CD300C: variants seen among roughly 807,000 people sequenced by gnomAD.
CD300C encodes the protein CD300c molecule, also known as CMRF35-like molecule 6.
Under a neutral mutation model 18.4 loss-of-function variants are expected in CD300C, and 11 were observed. That is an observed-to-expected ratio of 0.60 (90% confidence interval 0.38 to 0.99). The LOEUF is 0.99. Ranked by LOEUF, CD300C falls within the 50% of genes least tolerant of loss-of-function variation. CD300C has a pLI of 0.01. For missense variants in CD300C, 277 were observed against 287.4 expected (o/e 0.96, Z 0.26); for synonymous variants, 116 against 116.3 (o/e 1.00, Z 0.02).
chr17:74,540,414 C>T (rs1035987063), downstream of CD300C, among the ~76,000 whole-genome samples: 1 of 152,062 alleles, frequency 6.6e-6, no homozygotes, highest in African/African-American at 2.4e-5. Flanking sequence ...CATTTCTATC[C>T]CCCACCTGGA....
intron 2 of CD300C, among the ~76,000 whole-genome samples, chr17:74,543,535 CG>C (rs1355417989): frequency 6.6e-6 from 1 of 152,170 alleles, no homozygotes. Flanking sequence ...AGGGGATGCC[CG>C]GTGAAGCCTG....
downstream of CD300C, among the ~76,000 whole-genome samples, chr17:74,540,890 C>T (rs1378610004): frequency 6.6e-6 from 1 of 152,174 alleles, no homozygotes; most frequent in African/African-American, 2.4e-5. Flanking sequence ...TCTACCAGCT[C>T]TCCCAGAGGG....
At chr17:74,541,780 A>G in intron 3 of CD300C, 44 bp from the exon 4 acceptor site, 1 of 1,580,792 alleles carries the variant, frequency 6.3e-7, no homozygotes, top group Non-Finnish European at 8.6e-7. Context: ...TCCCCAGGGG[A>G]GGCCCAGGTG....
chr17:74,541,774 C>G, intron 3 of CD300C, 38 bp from the exon 4 acceptor site: 1 of 1,588,454 alleles, frequency 6.3e-7, no homozygotes. Context: ...GTCACCTCCC[C>G]AGGGGAGGCC....
At position 74,541,750 on chromosome 17, in the gene CD300C, G is replaced by T; in HGVS notation, c.528-14C>A. 1 of 1,607,602 alleles carries T rather than the reference G, an allele frequency of 6.2e-7. No individual in the cohort carries two copies. Among genetic ancestry groups the T allele is most frequent in the South Asian group, 1.1e-5 (1 of 90,444 alleles). ...CTGAACAGGGAGCTGTGGGGACACG[G>T]TGACAGGCAGTGAGTCACCTCCCCA... On this transcript the variant is annotated splice_polypyrimidine_tract_variant and intron_variant, in intron 3 of 3. Transcript: ENST00000330793.
At position 74,542,905 on chromosome 17, in the gene CD300C, G is replaced by T; in HGVS notation, c.483C>A (p.Pro161=). 6.2e-7 allele frequency: 1 copy of T among 1,611,740 alleles called. No homozygotes were observed. The highest frequency in any genetic ancestry group is 8.5e-7 in the Non-Finnish European group (1 of 1,180,000). The change falls in exon 3 of 4, where the codon CCC becomes CCA. Residue 161 remains proline, a synonymous_variant. Coordinates refer to ENST00000330793, the MANE Select transcript of CD300C (RefSeq NM_006678.5). ...CGGGGCTGTCCTTTCTGGTCACGCT[G>T]GGCCAGGTGTGCACGGGCAGCTTCG... ...PPTKLPVHTW[P]SVTRKDSPEP...
Position 74,542,876 on chromosome 17 carries a change from G to A in CD300C, c.512C>T (p.Pro171Leu), listed in dbSNP as rs1908604615. Reference sequence around the variant, plus strand: ...GGCACCTTACCCAGGGTGTGGGCTGGGTTCGGGGCTGTCCTTTCTGGTCAC... The same window carrying A: ...GGCACCTTACCCAGGGTGTGGGCTGAGTTCGGGGCTGTCCTTTCTGGTCAC... ...PSVTRKDSPEPSPHPGSLFSN... is the reference protein window; with the variant it reads ...PSVTRKDSPELSPHPGSLFSN... The change falls in exon 3 of 4, where the codon CCC becomes CTC. Residue 171 changes from proline to leucine, a missense_variant. Transcript: ENST00000330793. The A allele has an allele frequency of 6.2e-7, 1 of 1,608,016 alleles. No homozygotes were observed. The highest frequency in any genetic ancestry group is 8.5e-7 in the Non-Finnish European group (1 of 1,179,954).
Position 74,542,946 on chromosome 17 carries a change from T to A in CD300C, c.442A>T (p.Thr148Ser). 1 of 1,613,492 alleles carries A rather than the reference T, an allele frequency of 6.2e-7. No homozygotes were observed. The highest frequency in any genetic ancestry group is 8.5e-7 in the Non-Finnish European group (1 of 1,179,998). ...TASSPQSSMG[T>S]SGPPTKLPVH... ...GGCAGCTTCGTGGGAGGACCTGAGG[T>A]GCCCATGGAGCTCTGGGGGCTGGAG... The change falls in exon 3 of 4, where the codon ACC becomes TCC. Residue 148 changes from threonine (T) to serine (S), a missense_variant. Transcript: ENST00000330793.
At chr17:74,538,959 C>T (rs1908459340), downstream of CD300C, among the ~76,000 whole-genome samples, 1 of 152,192 alleles carries the variant, frequency 6.6e-6, no homozygotes, top group Non-Finnish European at 1.5e-5. Flanking sequence ...GGCGGGAACC[C>T]AGGTCTGTCC....
At chr17:74,540,559 C>T (rs1400156596), downstream of CD300C, among the ~76,000 whole-genome samples, 1 of 152,140 alleles carries the variant, frequency 6.6e-6, no homozygotes, top group African/African-American at 2.4e-5. Flanking sequence ...ACCCCCCAGG[C>T]GAGGCCCTCC....
At chr17:74,538,483 G>A (rs1166908555), downstream of CD300C, among the ~76,000 whole-genome samples, 2 of 152,210 alleles carry the variant, frequency 1.3e-5, no homozygotes, top group Middle Eastern at 3.2e-3. Flanking sequence ...CCAAGGTACT[G>A]TGGGCACAAA....
At chr17:74,542,125 C>T (rs1908573870) in intron 3 of CD300C, among the ~76,000 whole-genome samples, 1 of 152,180 alleles carries the variant, frequency 6.6e-6, no homozygotes, top group Non-Finnish European at 1.5e-5. Flanking sequence ...GGGCAGGGAC[C>T]ATTTGTTTCA....
At chr17:74,545,638 T>G (rs910857366) in intron 1 of CD300C, 84 bp downstream of exon 1, 3 of 1,100,270 alleles carry the variant, frequency 2.7e-6, no homozygotes, top group Non-Finnish European at 4.0e-6. Context: ...CTCCCCTCTA[T>G]GACCGCTACT....
At chr17:74,542,374 G>A (rs1435243969) in intron 3 of CD300C, among the ~76,000 whole-genome samples, 2 of 152,052 alleles carry the variant, frequency 1.3e-5, no homozygotes, top group Admixed American at 6.6e-5. Context: ...AAGGCTCCTC[G>A]CAGGACATTT....
At chr17:74,542,495 GATC>G (rs985140851) in intron 3 of CD300C, among the ~76,000 whole-genome samples, 1 of 152,142 alleles carries the variant, frequency 6.6e-6, no homozygotes, top group African/African-American at 2.4e-5. Context: ...ACCCTCTTCT[GATC>G]ATCGTCAGTG....
downstream of CD300C, among the ~76,000 whole-genome samples, chr17:74,536,698 T>C (rs943091805): frequency 6.6e-6 from 1 of 152,182 alleles, no homozygotes; most frequent in African/African-American, 2.4e-5. Context: ...TACCATTTCA[T>C]ACCCATTAAC....
downstream of CD300C, among the ~76,000 whole-genome samples, chr17:74,540,578 G>C (rs1908513608): frequency 6.6e-6 from 1 of 152,166 alleles, no homozygotes; most frequent in Non-Finnish European, 1.5e-5. Context: ...CCTTGACCAG[G>C]AGGACTCATG....
rs932551522 is a variant in CD300C, at chr17:74,544,483, C to T, written c.400+126G>A. The T allele has an allele frequency of 3.6e-5, 34 of 953,500 alleles. No homozygotes were observed. In the East Asian group the frequency reaches 4.4e-4, roughly 12 times the overall value. The allele number at this position is 953,500 out of a possible 1,614,324, so 59.1% of individuals were successfully genotyped here. ...CGCACTCACACTCATCCACACACAGCGGCACACAGTGTCCTGACTCACCAA... is the reference window on the plus strand; with the variant it reads ...CGCACTCACACTCATCCACACACAGTGGCACACAGTGTCCTGACTCACCAA... On this transcript the variant is annotated intron_variant, in intron 2 of 3. Transcript: ENST00000330793.
In CD300C at chr17:74,544,808, C is replaced by G; in HGVS notation, c.201G>C (p.Lys67Asn). 6.2e-7 allele frequency: 1 copy of G among 1,614,250 alleles called. No homozygotes were observed. The highest frequency in any genetic ancestry group is 1.3e-5 in the African/African-American group (1 of 75,068). Residue 67 changes from lysine (K) to asparagine (N), a missense_variant, in exon 2 of 4, where the codon AAG becomes AAC. Physicochemically the swap from Lys to Asn is moderately conservative, Grantham distance 94. Coordinates refer to ENST00000330793, the MANE Select transcript of CD300C (RefSeq NM_006678.5). ...CTGCTGACCCTTTGGTCTCCACAAT[C>G]TTGTCACATCGGAGAATCTGTGGTG... ...CRPPQILRCD[K>N]IVETKGSAGK...
Sources: gnomAD v4.1 joint callset for allele counts (sites outside exome capture counted in the v4.1 genomes callset) on GRCh38, gnomAD v4.1.1 for gene constraint, MANE v1.5 for transcripts, NCBI Gene and HGNC (gene_info 2026-07-23, HGNC 2026-07-21) for gene names.